Variants in EIF3G observed in about 807,000 individuals in gnomAD.
The protein encoded by EIF3G is eukaryotic translation initiation factor 3 RNA-binding subunit.
Under a neutral mutation model 41.7 loss-of-function variants are expected in EIF3G, and 10 were observed. The ratio of observed to expected loss-of-function variants is 0.24; its 90% CI spans 0.15 to 0.41. The LOEUF (loss-of-function observed/expected upper bound fraction) is 0.41. EIF3G is among the 10% of genes least tolerant of loss of function. EIF3G has a pLI of 1.00. For missense variants in EIF3G, 297 were observed against 444.0 expected (o/e 0.67, Z 2.98); for synonymous variants, 204 against 172.5 (o/e 1.18, Z -1.43).
Position 10,117,005 on chromosome 19 carries a change from T to C in EIF3G, c.406-16A>G, listed in dbSNP as rs936726045. 1.3e-5 allele frequency: 21 copies of C among 1,605,274 alleles called. No individual in the cohort carries two copies. Among genetic ancestry groups the C allele is most frequent in the Middle Eastern group, 1.7e-4 (1 of 6,030 alleles). Reference sequence around the variant, plus strand: ...AGTTCAGGTCCTGGCAGGGGCGGGTTGGGGGGAGCTCAGAGGCGGCTAAGG... The same window carrying C: ...AGTTCAGGTCCTGGCAGGGGCGGGTCGGGGGGAGCTCAGAGGCGGCTAAGG... On this transcript the variant is annotated splice_polypyrimidine_tract_variant and intron_variant, in intron 6 of 10. Transcript: ENST00000253108.
Position 10,116,470 on chromosome 19 carries a change from G to A in EIF3G, c.595+330C>T, listed in dbSNP as rs1353000829. On this transcript the variant is annotated intron_variant, in intron 7 of 10. Transcript: ENST00000253108. The surrounding 1 kb of genome is among the most constrained non-coding windows in gnomAD (Gnocchi z 4.1). ...ACCAGCAAATCCCACCAAAGAATTC[G>A]GACGGTACAGCCACAGGCATGCAAC... The A allele has an allele frequency of 1.3e-5, 6 of 479,826 alleles. No individual in the cohort carries two copies. Among genetic ancestry groups the A allele is most frequent in the African/African-American group, 1.9e-5 (1 of 51,558 alleles). The allele number at this position is 479,826 out of a possible 1,614,324, so 29.7% of individuals were successfully genotyped here.
At position 10,115,741 on chromosome 19, in the gene EIF3G, A is replaced by C; in HGVS notation, c.783T>G (p.Pro261=). Residue 261 remains proline (P), a synonymous_variant, in exon 9 of 11, where the codon CCT becomes CCG. Coordinates refer to ENST00000253108, the MANE Select transcript of EIF3G (RefSeq NM_003755.5). Reference sequence around the variant, plus strand: ...GGTAGATGCGGGAGATGGAGCCGAAAGGCCGGAAGAGCTCCTGCAGGTCGG... The same window carrying C: ...GGTAGATGCGGGAGATGGAGCCGAACGGCCGGAAGAGCTCCTGCAGGTCGG... ...RETDLQELFR[P]FGSISRIYLA... The C allele has an allele frequency of 6.2e-7, 1 of 1,614,178 alleles. No individual in the cohort carries two copies. Among genetic ancestry groups the C allele is most frequent in the Non-Finnish European group, 8.5e-7 (1 of 1,180,020 alleles).
Position 10,118,891 on chromosome 19 carries a change from C to A in EIF3G, c.217G>T (p.Asp73Tyr). 6.2e-7 allele frequency: 1 copy of A among 1,614,006 alleles called. No individual in the cohort carries two copies. The highest frequency in any genetic ancestry group is 8.5e-7 in the Non-Finnish European group (1 of 1,179,972). The change falls in exon 4 of 11, where the codon GAT becomes TAT. Residue 73 changes from aspartate (D) to tyrosine (Y), a missense_variant. Physicochemically the swap from Asp to Tyr is radical, Grantham distance 160. Transcript: ENST00000253108. Reference protein sequence around the residue: ...NIKTVTEYKIDEDGKKFKIVR... With the variant: ...NIKTVTEYKIYEDGKKFKIVR... ...ACCTTGAACTTCTTGCCATCCTCAT[C>A]TATCTTGTACTCTGTCACTGTCTTT...
In EIF3G at chr19:10,116,391, A is replaced by G; in HGVS notation, c.596-317T>C. ...GGGACACACAACAGGAACAGCGCCC[A>G]GGTCCCCCTCGCGTGGCAGGCGACA... is the stretch of plus-strand genomic sequence containing the variant. On this transcript the variant is annotated intron_variant, in intron 7 of 10. Coordinates refer to ENST00000253108, the MANE Select transcript of EIF3G (RefSeq NM_003755.5). The surrounding 1 kb of genome is among the most constrained non-coding windows in gnomAD (Gnocchi z 4.1). The G allele has an allele frequency of 1.9e-6, 1 of 514,142 alleles. No individual in the cohort carries two copies. Among genetic ancestry groups the G allele is most frequent in the Non-Finnish European group, 3.5e-6 (1 of 285,768 alleles). 31.8% of individuals were successfully genotyped at this position (514,142 alleles called of 1,614,324 possible).
rs920892903 is a variant in EIF3G at position 10,116,608 on chromosome 19, C to T, written c.595+192G>A. The T allele has an allele frequency of 1.7e-6, 1 of 580,278 alleles. No individual in the cohort carries two copies. The highest frequency in any genetic ancestry group is 2.8e-5 in the East Asian group (1 of 35,164). 35.9% of individuals were successfully genotyped at this position (580,278 alleles called of 1,614,324 possible). A position where few individuals can be genotyped will look rare whatever the true frequency, so the allele number is the denominator to read the frequency against. ...AGGGCCACCAGCAAAGTCACAGCTGCCAAGTCGCACATATATGGGAGACGC... is the reference window on the plus strand; with the variant it reads ...AGGGCCACCAGCAAAGTCACAGCTGTCAAGTCGCACATATATGGGAGACGC... On this transcript the variant is annotated intron_variant, in intron 7 of 10. Transcript: ENST00000253108. The surrounding 1 kb of genome is among the most constrained non-coding windows in gnomAD (Gnocchi z 4.1).
In EIF3G at chr19:10,116,065, G is replaced by A. The variant is rs1332905659; in HGVS notation, c.605C>T (p.Pro202Leu). ...EKEKLPGELE[P>L]VQATQNKTGK... The stretch of plus-strand genomic sequence containing the variant: ...TGTCTTGTTCTGCGTGGCCTGCACC[G>A]GCTCTAGCTCTGGGGACCAAAAGAC... The change falls in exon 8 of 11, where the codon CCG becomes CTG. Residue 202 changes from proline to leucine, a missense_variant. Physicochemically the swap from Pro to Leu is moderately conservative, Grantham distance 98 (BLOSUM62 -3). Around this residue, in one of 4 missense-constraint regions of EIF3G, gnomAD observed 33 missense variants for 30.3 expected, o/e 1.09. Coordinates refer to ENST00000253108, the MANE Select transcript of EIF3G (RefSeq NM_003755.5). The surrounding 1 kb of genome is among the most constrained non-coding windows in gnomAD (Gnocchi z 4.1). The A allele has an allele frequency of 5.6e-6, 9 of 1,613,690 alleles. No homozygotes were observed. The highest frequency in any genetic ancestry group is 3.3e-5 in the Admixed American group (2 of 59,938).
In EIF3G at chr19:10,116,244, C is replaced by A; in HGVS notation, c.596-170G>T. ...CAAGGTGACACCTGAGAAGCTGACA[C>A]CATTTGAGCTCCCAGCCAGCGACAC... On this transcript the variant is annotated intron_variant, in intron 7 of 10. Coordinates refer to ENST00000253108, the MANE Select transcript of EIF3G (RefSeq NM_003755.5). The surrounding 1 kb of genome is among the most constrained non-coding windows in gnomAD (Gnocchi z 4.1). The A allele has an allele frequency of 3.1e-6, 2 of 644,708 alleles. No homozygotes were observed. Among genetic ancestry groups the A allele is most frequent in the South Asian group, 1.9e-5 (1 of 51,454 alleles). The allele number at this position is 644,708 out of a possible 1,614,324, so 39.9% of individuals were successfully genotyped here. A position where few individuals can be genotyped will look rare whatever the true frequency, so the allele number is the denominator to read the frequency against.
In EIF3G at chr19:10,115,056, C is replaced by G. The variant is rs369484038; in HGVS notation, c.*58G>C. 1 of 1,612,046 alleles carries G rather than the reference C, an allele frequency of 6.2e-7. No individual in the cohort carries two copies. Among genetic ancestry groups the G allele is most frequent in the African/African-American group, 1.3e-5 (1 of 74,948 alleles). Reference sequence around the variant, plus strand: ...CTTTATTGCCCTTGGAGCCCGCGCTCTCGGAGGCTGTCTTCTGTCGCCAAG... The same window carrying G: ...CTTTATTGCCCTTGGAGCCCGCGCTGTCGGAGGCTGTCTTCTGTCGCCAAG... On this transcript the variant is annotated 3_prime_UTR_variant, in exon 11 of 11. Coordinates refer to ENST00000253108, the MANE Select transcript of EIF3G (RefSeq NM_003755.5).
rs1599326635 is a variant in EIF3G at position 10,117,246 on chromosome 19, T to C, written c.301-58A>G. On this transcript the variant is annotated intron_variant, in intron 5 of 10. Coordinates refer to ENST00000253108, the MANE Select transcript of EIF3G (RefSeq NM_003755.5). ...GGCAGGGGCAGGCTGGGTTCCACAG[T>C]GGGGTGCCCTAGACCTACAACAGCC... 5.1e-6 allele frequency: 7 copies of C among 1,367,436 alleles called. No homozygotes were observed. In the East Asian group the frequency reaches 1.7e-4, roughly 32 times the overall value. The allele number at this position is 1,367,436 out of a possible 1,614,324, so 84.7% of individuals were successfully genotyped here.
Position 10,116,694 on chromosome 19 carries a change from C to G in EIF3G, c.595+106G>C. On this transcript the variant is annotated intron_variant, in intron 7 of 10. Transcript: ENST00000253108. This position sits in a 1 kb window ranked among gnomAD's most constrained non-coding sequence, Gnocchi z 4.1. ...AAGGCACAGACGCCCCGAGGAGAGT[C>G]TGGCACCATCAAACCCGCTGCACTG... 8.3e-7 allele frequency: 1 copy of G among 1,207,128 alleles called. No individual in the cohort carries two copies. The highest frequency in any genetic ancestry group is 2.4e-5 in the East Asian group (1 of 42,052). The allele number at this position is 1,207,128 out of a possible 1,614,324, so 74.8% of individuals were successfully genotyped here.
chr19:10,115,486 A>G lies in EIF3G; in HGVS notation c.940T>C (p.Trp314Arg). 3 of 1,609,704 alleles carry G rather than the reference A, an allele frequency of 1.9e-6. No homozygotes were observed. Among genetic ancestry groups the G allele is most frequent in the Non-Finnish European group, 2.5e-6 (3 of 1,177,434 alleles). Residue 314 changes from tryptophan to arginine, a missense_variant, in exon 10 of 11, where the codon TGG becomes CGG. Transcript: ENST00000253108. ...GYDHLILNVE[W>R]AKPSTN Reference sequence around the variant, plus strand: ...GCAGGGATGGAGTCTTACTTGGCCCACTCGACGTTGAGGATGAGGTGGTCG... The same window carrying G: ...GCAGGGATGGAGTCTTACTTGGCCCGCTCGACGTTGAGGATGAGGTGGTCG...
In EIF3G at chr19:10,116,830, A is replaced by G; in HGVS notation, c.565T>C (p.Ser189Pro). The change falls in exon 7 of 11, where the codon TCT becomes CCT. Residue 189 changes from serine to proline, a missense_variant. This residue lies in a region of EIF3G where 33 missense variants were observed against 30.3 expected (regional missense o/e 1.09). Transcript: ENST00000253108. The surrounding 1 kb of genome is among the most constrained non-coding windows in gnomAD (Gnocchi z 4.1). ...QKELAEQLGL[S>P]TGEKEKLPGE... ...GGCAGCTTCTCCTTCTCGCCAGTAG[A>G]CAGGCCCAGCTGCTCGGCCAGCTCC... is the stretch of plus-strand genomic sequence containing the variant. 1 of 1,603,868 alleles carries G rather than the reference A, an allele frequency of 6.2e-7. No individual in the cohort carries two copies.
At chr19:10,115,432 C>T in intron 10 of EIF3G, 47 bp downstream of exon 10, 5 of 1,561,002 alleles carry the variant, frequency 3.2e-6, no homozygotes, top group Non-Finnish European at 4.4e-6. Flanking sequence ...CGTGAAGGTG[C>T]TGGGACAAGG....
chr19:10,117,037 C>G, intron 6 of EIF3G, 47 bp downstream of exon 6: 2 of 1,605,778 alleles, frequency 1.2e-6, no homozygotes, highest in Non-Finnish European at 1.7e-6. Context: ...AAGGCACCCC[C>G]TTTGCCCCAC....
At chr19:10,119,545 G>A in intron 2 of EIF3G, 109 bp downstream of exon 2, 1 of 1,383,038 alleles carries the variant, frequency 7.2e-7, no homozygotes, top group Non-Finnish European at 9.9e-7. Flanking sequence ...GCGCGGGGCA[G>A]GGGCAGACCG....
chr19:10,115,899 G>A (rs575445249), intron 8 of EIF3G, 68 bp downstream of exon 8: 104 of 1,603,846 alleles, frequency 6.5e-5, no homozygotes, highest in East Asian at 4.9e-4. Flanking sequence ...TCGTGTGCAC[G>A]CTTCGGGGAT....
In EIF3G at chr19:10,116,570, T is replaced by A. The variant is rs575283541; in HGVS notation, c.595+230A>T. Reference sequence around the variant, plus strand: ...CCTGGGGCCGACAGACAGCAGCTCATCAGGACAGTCACAGGGCCACCAGCA... The same window carrying A: ...CCTGGGGCCGACAGACAGCAGCTCAACAGGACAGTCACAGGGCCACCAGCA... On this transcript the variant is annotated intron_variant, in intron 7 of 10. Coordinates refer to ENST00000253108, the MANE Select transcript of EIF3G (RefSeq NM_003755.5). This position sits in a 1 kb window ranked among gnomAD's most constrained non-coding sequence, Gnocchi z 4.1. 1.9e-4 allele frequency: 101 copies of A among 540,364 alleles called. No homozygotes were observed. The highest frequency in any genetic ancestry group is 1.8e-3 in the African/African-American group (96 of 53,120). 33.5% of individuals were successfully genotyped at this position (540,364 alleles called of 1,614,324 possible). A position where few individuals can be genotyped will look rare whatever the true frequency, so the allele number is the denominator to read the frequency against.
chr19:10,117,593 A>G (rs112215577), intron 5 of EIF3G: 7 of 188,784 alleles, frequency 3.7e-5, no homozygotes, highest in African/African-American at 1.6e-4. Flanking sequence ...CTGGGCTCCT[A>G]AGGAGACTGA....
chr19:10,115,080 AGGGTCCCGGACC>A lies in EIF3G; in HGVS notation c.*22_*33del, dbSNP rs1305405990. ...TCTCGGAGGCTGTCTTCTGTCGCCA[AGGGTCCCGGACC>A]GAGTACACAGTGGCAGCTGGCTTAG... On this transcript the variant is annotated 3_prime_UTR_variant, in exon 11 of 11. Transcript: ENST00000253108. The A allele has an allele frequency of 6.2e-7, 1 of 1,613,736 alleles. No homozygotes were observed. Among genetic ancestry groups the A allele is most frequent in the Non-Finnish European group, 8.5e-7 (1 of 1,179,996 alleles).
Sources: allele counts gnomAD v4.1 joint callset, GRCh38; gene constraint gnomAD v4.1.1; regional missense constraint gnomAD v4.1.1; non-coding constraint Gnocchi (gnomAD v3.1); transcripts MANE v1.5; gene names NCBI Gene and HGNC (gene_info 2026-07-23, HGNC 2026-07-21).